The following SLC4A3 variants were observed in gnomAD, a reference collection of about 807,000 sequenced individuals.
SLC4A3 encodes the protein solute carrier family 4 member 3, also known as anion exchange protein 3.
In SLC4A3, 47 loss-of-function variants were observed where a neutral mutation model predicts 114.2. That is an observed-to-expected ratio of 0.41 (90% CI 0.33 to 0.52). The LOEUF (loss-of-function observed/expected upper bound fraction) is 0.52. Among genes scored for constraint, SLC4A3 ranks in the 20% least tolerant of loss-of-function variants. SLC4A3 has a pLI of 0.21. For missense variants in SLC4A3, 1,312 were observed against 1,668.3 expected, an observed-to-expected ratio of 0.79 and a Z score of 3.72; for synonymous variants, 693 against 710.3, an observed-to-expected ratio of 0.98 and a Z score of 0.39.
chr2:219,629,520 A>AGGGTTGGGGGCTGTATGGT, intron 4 of SLC4A3, 60 bp from the exon 5 acceptor site: 1 of 1,579,940 alleles, frequency 6.3e-7, no homozygotes, highest in Non-Finnish European at 8.7e-7. Context: ...GAGGCTGGGT[A>AGGGTTGGGGGCTGTATGGT]GGGTTGGGGG....
chr2:219,635,932 T>C, intron 14 of SLC4A3, 41 bp downstream of exon 14: 2 of 1,405,490 alleles, frequency 1.4e-6, no homozygotes, highest in Non-Finnish European at 1.9e-6. Flanking sequence ...GCTCCTCTAG[T>C]CACTTCTGGT....
rs753763027 is a variant in SLC4A3, at chr2:219,636,605, C to T, written c.2341-75C>T. The T allele has an allele frequency of 3.7e-5, 55 of 1,497,864 alleles. 1 individual carries two copies. In the South Asian group the frequency reaches 3.7e-4, roughly 10 times the overall value. The allele number at this position is 1,497,864 out of a possible 1,614,324, so 92.8% of individuals were successfully genotyped here. Reference sequence around the variant, plus strand: ...TTCTCCCTCTTCCTCGGAGTTCATCCGCTGCCTATTCCAGGGGGCATTGAC... The same window carrying T: ...TTCTCCCTCTTCCTCGGAGTTCATCTGCTGCCTATTCCAGGGGGCATTGAC... On this transcript the variant is annotated intron_variant, in intron 15 of 22. Transcript: ENST00000358055. The surrounding 1 kb of genome is among the most constrained non-coding windows in gnomAD (Gnocchi z 5.5).
chr2:219,639,865 C>T lies in SLC4A3; in HGVS notation c.3277+130C>T. ...GCCCTCAATCTGACCCCCAAACCTGCTTCCCAGCACTCCCCTAGCCCTTTA... is the reference window on the plus strand; with the variant it reads ...GCCCTCAATCTGACCCCCAAACCTGTTTCCCAGCACTCCCCTAGCCCTTTA... On this transcript the variant is annotated intron_variant, in intron 20 of 22. Coordinates refer to ENST00000358055, the MANE Select transcript of SLC4A3 (RefSeq NM_005070.4). This position sits in a 1 kb window ranked among gnomAD's most constrained non-coding sequence, Gnocchi z 5.9. 8.7e-7 allele frequency: 1 copy of T among 1,151,200 alleles called. No homozygotes were observed. The highest frequency in any genetic ancestry group is 1.5e-5 in the South Asian group (1 of 67,696). 71.3% of individuals were successfully genotyped at this position (1,151,200 alleles called of 1,614,324 possible). A position where few individuals can be genotyped will look rare whatever the true frequency, so the allele number is the denominator to read the frequency against.
At position 219,631,312 on chromosome 2, in the gene SLC4A3, G is replaced by A. The variant is rs1348312565; in HGVS notation, c.812-656G>A. On this transcript the variant is annotated intron_variant, in intron 6 of 22. Transcript: ENST00000358055. The surrounding 1 kb of genome is among the most constrained non-coding windows in gnomAD (Gnocchi z 6.3). ...CCTGGGCCTGGGGATACCAATAGCTGGGGCTTTGGGAGGGATCCAGCCCCC... is the reference window on the plus strand; with the variant it reads ...CCTGGGCCTGGGGATACCAATAGCTAGGGCTTTGGGAGGGATCCAGCCCCC... 2.3e-6 allele frequency: 3 copies of A among 1,304,078 alleles called. No individual in the cohort carries two copies. The South Asian group carries it at 3.7e-5, about 16-fold the overall frequency. The allele number at this position is 1,304,078 out of a possible 1,614,324, so 80.8% of individuals were successfully genotyped here.
Position 219,629,654 on chromosome 2 carries a change from G to A in SLC4A3, c.570G>A (p.Ser190=), listed in dbSNP as rs1239067058. The A allele has an allele frequency of 4.3e-6, 7 of 1,613,182 alleles. No individual in the cohort carries two copies. Among genetic ancestry groups the A allele is most frequent in the East Asian group, 2.2e-5 (1 of 44,862 alleles). The part of the protein sequence containing the change: ...GRAAVTKPLP[S]VGPHTDKSPQ... ...CTGCTGTCACCAAGCCCCTGCCCTC[G>A]GTGGGCCCACACACTGACAAGAGCC... Residue 190 remains serine (S), a synonymous_variant, in exon 5 of 23, where the codon TCG becomes TCA. Coordinates refer to ENST00000358055, the MANE Select transcript of SLC4A3 (RefSeq NM_005070.4).
chr2:219,641,968 C>T lies in SLC4A3; in HGVS notation c.*240C>T, dbSNP rs1574661951. The stretch of plus-strand genomic sequence containing the variant: ...CTCATTATAACCACACTCCTTGTCT[C>T]GTGTCTGCCTCACTTTCTTGGTTTC... On this transcript the variant is annotated 3_prime_UTR_variant, in exon 23 of 23. Coordinates refer to ENST00000358055, the MANE Select transcript of SLC4A3 (RefSeq NM_005070.4). The surrounding 1 kb of genome is among the most constrained non-coding windows in gnomAD (Gnocchi z 4.0). The T allele has an allele frequency of 6.9e-6, 3 of 436,108 alleles. No individual in the cohort carries two copies. The highest frequency in any genetic ancestry group is 6.0e-5 in the African/African-American group (3 of 49,906). 27.0% of individuals were successfully genotyped at this position (436,108 alleles called of 1,614,324 possible).
rs372144426 is a variant in SLC4A3, at chr2:219,636,661, C to A, written c.2341-19C>A. 250 of 1,603,430 alleles carry A rather than the reference C, an allele frequency of 1.6e-4. No homozygotes were observed. The South Asian group carries it at 2.5e-3, about 16-fold the overall frequency. ...GGGCAGTCCACCTGTGGGTAACGAC[C>A]GCTCCTACCCCCACCTAGTTCTGCC... On this transcript the variant is annotated intron_variant, in intron 15 of 22. Transcript: ENST00000358055. The surrounding 1 kb of genome is among the most constrained non-coding windows in gnomAD (Gnocchi z 5.5).
Position 219,634,509 on chromosome 2 carries a change from C to G in SLC4A3, c.1651C>G (p.Pro551Ala). 2 of 1,614,188 alleles carry G rather than the reference C, an allele frequency of 1.2e-6. No individual in the cohort carries two copies. The highest frequency in any genetic ancestry group is 1.7e-6 in the Non-Finnish European group (2 of 1,180,034). The change falls in exon 12 of 23, where the codon CCG (proline) becomes GCG (alanine). Residue 551 changes from proline to alanine, a missense_variant. Physicochemically the swap from Pro to Ala is conservative, Grantham distance 27 (BLOSUM62 -1). Coordinates refer to ENST00000358055, the MANE Select transcript of SLC4A3 (RefSeq NM_005070.4). Reference sequence around the variant, plus strand: ...GGAGTCTGTGCTTGAGGTCCCTGTCCCGGTCCGCTTCCTCTTCGTGATGCT... The same window carrying G: ...GGAGTCTGTGCTTGAGGTCCCTGTCGCGGTCCGCTTCCTCTTCGTGATGCT... ...LLESVLEVPV[P>A]VRFLFVMLGP... is the part of the protein sequence containing the mutation.
intron 10 of SLC4A3, 95 bp downstream of exon 10, chr2:219,633,552 T>C (rs1170000290): frequency 8.5e-7 from 1 of 1,173,224 alleles, no homozygotes; most frequent in South Asian, 1.8e-5. Context: ...GTTGGGAAGG[T>C]TGGATTGCTG....
rs1393202226 is a variant in SLC4A3, at chr2:219,633,893, T to C, written c.1475T>C (p.Met492Thr). 1.9e-6 allele frequency: 3 copies of C among 1,558,464 alleles called. No individual in the cohort carries two copies. The highest frequency in any genetic ancestry group is 2.6e-6 in the Non-Finnish European group (3 of 1,150,596). The change falls in exon 11 of 23, where the codon ATG (methionine) becomes ACG (threonine). Residue 492 changes from methionine to threonine, a missense_variant. Physicochemically the swap from Met to Thr is moderately conservative, Grantham distance 81 (BLOSUM62 -1). Coordinates refer to ENST00000358055, the MANE Select transcript of SLC4A3 (RefSeq NM_005070.4). Reference sequence around the variant, plus strand: ...CTGCGTCCTCAGAAGCCCCTCCACATGCCTGGGGGAGATGGTCACCGGGGG... The same window carrying C: ...CTGCGTCCTCAGAAGCCCCTCCACACGCCTGGGGGAGATGGTCACCGGGGG... ...DPDAKEKPLH[M>T]PGGDGHRGKS... is the part of the protein sequence containing the mutation.
In SLC4A3 at chr2:219,631,880, A is replaced by T; in HGVS notation, c.812-88A>T. The T allele has an allele frequency of 7.0e-7, 1 of 1,430,400 alleles. No homozygotes were observed. Among genetic ancestry groups the T allele is most frequent in the Admixed American group, 2.3e-5 (1 of 44,136 alleles). The allele number at this position is 1,430,400 out of a possible 1,614,324, so 88.6% of individuals were successfully genotyped here. A position where few individuals can be genotyped will look rare whatever the true frequency, so the allele number is the denominator to read the frequency against. ...CTGTTGGTGACTGTAGAGCTCACCA[A>T]GTAGATGGGTTGGGCAGAAGGAGCT... On this transcript the variant is annotated intron_variant, in intron 6 of 22. Coordinates refer to ENST00000358055, the MANE Select transcript of SLC4A3 (RefSeq NM_005070.4). The surrounding 1 kb of genome is among the most constrained non-coding windows in gnomAD (Gnocchi z 6.3).
intron 12 of SLC4A3, 94 bp from the exon 13 acceptor site, chr2:219,635,177 C>A: frequency 1.1e-6 from 1 of 929,798 alleles, no homozygotes; most frequent in Non-Finnish European, 1.7e-6. Flanking sequence ...GTCCACCCTG[C>A]CTGTAGCTCA....
rs2106203820 is a variant in SLC4A3 at position 219,639,519 on chromosome 2, G to A, written c.3061G>A (p.Gly1021Ser). Residue 1021 changes from glycine (G) to serine (S), a missense_variant, in exon 20 of 23, where the codon GGC becomes AGC. Around this residue, in one of 4 missense-constraint regions of SLC4A3, gnomAD observed 301 missense variants for 460.7 expected, o/e 0.65. Coordinates refer to ENST00000358055, the MANE Select transcript of SLC4A3 (RefSeq NM_005070.4). This position sits in a 1 kb window ranked among gnomAD's most constrained non-coding sequence, Gnocchi z 5.9. ...VSQKARRLLK[G>S]SGFHLDLLLI... is the part of the protein sequence containing the mutation. ...CCAGAAGGCGCGGAGGCTGCTCAAGGGCTCCGGTTTCCACCTGGACCTGCT... is the reference window on the plus strand; with the variant it reads ...CCAGAAGGCGCGGAGGCTGCTCAAGAGCTCCGGTTTCCACCTGGACCTGCT... 6.2e-7 allele frequency: 1 copy of A among 1,613,910 alleles called. No homozygotes were observed. Among genetic ancestry groups the A allele is most frequent in the Non-Finnish European group, 8.5e-7 (1 of 1,180,020 alleles).
Position 219,634,486 on chromosome 2 carries a change from A to T in SLC4A3, c.1628A>T (p.Glu543Val). ...FVRLNEAVLLESVLEVPVPVR... is the reference protein window; with the variant it reads ...FVRLNEAVLLVSVLEVPVPVR... ...CGTCTGAATGAGGCTGTACTCCTGG[A>T]GTCTGTGCTTGAGGTCCCTGTCCCG... is the stretch of plus-strand genomic sequence containing the variant. Residue 543 changes from glutamate to valine, a missense_variant, in exon 12 of 23, where the codon GAG becomes GTG. Physicochemically the swap from Glu to Val is moderately radical, Grantham distance 121 (BLOSUM62 -2). This residue lies in a region of SLC4A3 where 771 missense variants were observed against 977.7 expected (regional missense o/e 0.79). Transcript: ENST00000358055. The T allele has an allele frequency of 6.2e-7, 1 of 1,614,062 alleles. No individual in the cohort carries two copies. Among genetic ancestry groups the T allele is most frequent in the Non-Finnish European group, 8.5e-7 (1 of 1,180,002 alleles).
At position 219,630,303 on chromosome 2, in the gene SLC4A3, T is replaced by A; in HGVS notation, c.762T>A (p.Asp254Glu). Residue 254 changes from aspartate (D) to glutamate (E), a missense_variant, in exon 6 of 23, where the codon GAT (aspartate) becomes GAA (glutamate). Asp to Glu is a conservative substitution (Grantham distance 45). Around this residue, in one of 4 missense-constraint regions of SLC4A3, gnomAD observed 771 missense variants for 977.7 expected, o/e 0.79. Coordinates refer to ENST00000358055, the MANE Select transcript of SLC4A3 (RefSeq NM_005070.4). This position sits in a 1 kb window ranked among gnomAD's most constrained non-coding sequence, Gnocchi z 6.9. ...GTCCAGAGCAGCAGGTGCCCACAGATGAGGCGGAGGCCCAGATGCTGGGTT... is the reference window on the plus strand; with the variant it reads ...GTCCAGAGCAGCAGGTGCCCACAGAAGAGGCGGAGGCCCAGATGCTGGGTT... ...PGGPEQQVPT[D>E]EAEAQMLGSA... The A allele has an allele frequency of 2.5e-6, 4 of 1,612,746 alleles. No individual in the cohort carries two copies. Among genetic ancestry groups the A allele is most frequent in the Non-Finnish European group, 2.5e-6 (3 of 1,179,642 alleles).
In SLC4A3 at chr2:219,636,596, G is replaced by A. The variant is rs1227754551; in HGVS notation, c.2341-84G>A. On this transcript the variant is annotated intron_variant, in intron 15 of 22. Coordinates refer to ENST00000358055, the MANE Select transcript of SLC4A3 (RefSeq NM_005070.4). The surrounding 1 kb of genome is among the most constrained non-coding windows in gnomAD (Gnocchi z 5.5). ...GTCCCTGCATTCTCCCTCTTCCTCG[G>A]AGTTCATCCGCTGCCTATTCCAGGG... 17 of 1,492,374 alleles carry A rather than the reference G, an allele frequency of 1.1e-5. No individual in the cohort carries two copies. Among genetic ancestry groups the A allele is most frequent in the Non-Finnish European group, 1.5e-5 (16 of 1,100,730 alleles). The allele number at this position is 1,492,374 out of a possible 1,614,324, so 92.4% of individuals were successfully genotyped here.
intron 12 of SLC4A3, 79 bp downstream of exon 12, chr2:219,634,683 C>A: frequency 1.4e-6 from 2 of 1,474,982 alleles, no homozygotes; most frequent in East Asian, 2.4e-5. Context: ...CAGTGGTGCC[C>A]ATAGAGGCAA....
rs1344801675 is a variant in SLC4A3, at chr2:219,638,587, T to C, written c.2857-116T>C. ...ATGCAAAACTAATTTTCCCCTGACCTGTTCACACCCCAGCTCCCTGAAGTC... is the reference window on the plus strand; with the variant it reads ...ATGCAAAACTAATTTTCCCCTGACCCGTTCACACCCCAGCTCCCTGAAGTC... On this transcript the variant is annotated intron_variant, in intron 18 of 22. Coordinates refer to ENST00000358055, the MANE Select transcript of SLC4A3 (RefSeq NM_005070.4). The surrounding 1 kb of genome is among the most constrained non-coding windows in gnomAD (Gnocchi z 7.5). 1 of 1,037,828 alleles carries C rather than the reference T, an allele frequency of 9.6e-7. No individual in the cohort carries two copies. The highest frequency in any genetic ancestry group is 1.4e-6 in the Non-Finnish European group (1 of 709,758). The allele number at this position is 1,037,828 out of a possible 1,614,324, so 64.3% of individuals were successfully genotyped here.
chr2:219,627,885 G>C lies in SLC4A3; in HGVS notation c.-93-15G>C. 3.8e-6 allele frequency: 3 copies of C among 789,402 alleles called. No individual in the cohort carries two copies. Among genetic ancestry groups the C allele is most frequent in the Non-Finnish European group, 6.1e-6 (3 of 491,132 alleles). The allele number at this position is 789,402 out of a possible 1,614,324, so 48.9% of individuals were successfully genotyped here. A position where few individuals can be genotyped will look rare whatever the true frequency, so the allele number is the denominator to read the frequency against. On this transcript the variant is annotated splice_polypyrimidine_tract_variant and intron_variant, in intron 1 of 22. Transcript: ENST00000358055. ...GCGCCAGCGCAAGGAACCTGACCCC[G>C]CCCTCCTCCCCCAGGGCTCCCCGCT...
Sources: gnomAD v4.1 joint callset for allele counts on GRCh38, gnomAD v4.1.1 for gene constraint, gnomAD v4.1.1 regional missense constraint, Gnocchi (gnomAD v3.1) non-coding constraint, MANE v1.5 for transcripts, NCBI Gene and HGNC (gene_info 2026-07-23, HGNC 2026-07-21) for gene names.